Variants in CFTR observed in about 807,000 individuals in gnomAD.
CFTR encodes the protein cystic fibrosis transmembrane conductance regulator.
In CFTR, 181 loss-of-function variants were observed where a neutral mutation model predicts 171.6. That is an observed-to-expected ratio of 1.05 (90% CI 0.93 to 1.19). The LOEUF is 1.19. Ranked by LOEUF, CFTR falls within the 50% of genes most tolerant of loss-of-function variation. CFTR has a pLI of 0.00. For missense variants in CFTR, 1,968 were observed against 1,734.7 expected (o/e 1.13, Z -2.39); for synonymous variants, 583 against 608.0 (o/e 0.96, Z 0.60).
At chr7:117,553,583 T>A (rs1799305917) in intron 10 of CFTR, among the ~76,000 whole-genome samples, 2 of 152,186 alleles carry the variant, frequency 1.3e-5, no homozygotes, top group Admixed American at 6.5e-5. Context: ...TTATCTAATT[T>A]AAAAAGTTTC....
chr7:117,522,921 T>C (rs548884630), intron 3 of CFTR, among the ~76,000 whole-genome samples: 2 of 152,268 alleles, frequency 1.3e-5, no homozygotes, highest in East Asian at 3.9e-4. Context: ...GGGAAAACTA[T>C]AGAAGGGGTG....
intron 21 of CFTR, among the ~76,000 whole-genome samples, chr7:117,618,212 A>G (rs13221882): frequency 0.031 from 4,699 of 152,116 alleles, 95 homozygotes; most frequent in Non-Finnish European, 0.049. Flanking sequence ...TATTTTCTAA[A>G]CCCATGTTTC....
chr7:117,620,519 A>G (rs1792558005), intron 21 of CFTR, among the ~76,000 whole-genome samples: 1 of 152,164 alleles, frequency 6.6e-6, no homozygotes, highest in Non-Finnish European at 1.5e-5. Context: ...CACTGCTGCA[A>G]TTGTCAGAGC....
chr7:117,535,753 C>G (rs188498499), intron 6 of CFTR, among the ~76,000 whole-genome samples: 1 of 152,090 alleles, frequency 6.6e-6, no homozygotes, highest in Non-Finnish European at 1.5e-5. Flanking sequence ...AGGCTGGTCT[C>G]GAATGCCTGA....
chr7:117,627,892 A>G (rs1035929096), intron 22 of CFTR, 122 bp downstream of exon 22: 3 of 1,028,420 alleles, frequency 2.9e-6, no homozygotes, highest in Non-Finnish European at 4.5e-6. Context: ...AATCAATATT[A>G]AACACACATG....
At chr7:117,486,408 C>T (rs1217739245) in intron 1 of CFTR, among the ~76,000 whole-genome samples, 1 of 152,118 alleles carries the variant, frequency 6.6e-6, no homozygotes, top group Non-Finnish European at 1.5e-5. Flanking sequence ...TGAAACCCAG[C>T]TTTCTCGAGG....
intron 22 of CFTR, among the ~76,000 whole-genome samples, chr7:117,628,199 TTTTG>T (rs1792686383): frequency 1.3e-5 from 2 of 152,176 alleles, no homozygotes; most frequent in Admixed American, 6.5e-5. Context: ...AGTTTGTTTG[TTTTG>T]TTTTTCTTTG....
intron 20 of CFTR, 123 bp from the exon 21 acceptor site, chr7:117,614,490 A>G (rs1438401683): frequency 1.4e-6 from 1 of 730,566 alleles, no homozygotes; most frequent in Non-Finnish European, 2.5e-6. Flanking sequence ...AAAATTGTTA[A>G]AATTAGCATA....
At chr7:117,534,529 A>G (rs915344708) in intron 5 of CFTR, among the ~76,000 whole-genome samples, 164 bp downstream of exon 5, 1 of 152,206 alleles carries the variant, frequency 6.6e-6, no homozygotes, top group Non-Finnish European at 1.5e-5. Context: ...ATAGCAGAGC[A>G]CCATTCTGGG....
At chr7:117,575,264 C>T (rs1313998427) in intron 11 of CFTR, among the ~76,000 whole-genome samples, 1 of 152,074 alleles carries the variant, frequency 6.6e-6, no homozygotes, top group Non-Finnish European at 1.5e-5. Context: ...TTATTATAAA[C>T]AGACATATTA....
At chr7:117,605,791 G>A (rs959301992) in intron 17 of CFTR, among the ~76,000 whole-genome samples, 13 of 152,138 alleles carry the variant, frequency 8.5e-5, no homozygotes, top group African/African-American at 3.1e-4. Flanking sequence ...TTTGAGCAGA[G>A]GAAGCTTGTA....
At position 117,562,773 on chromosome 7, in the gene CFTR, T is replaced by G. The variant is rs1791536210; in HGVS notation, c.1584+3118T>G. ...GCACTACAGAAGCCTAGCTGATGGC[T>G]TTTAGCCTGGCTAGACAGTTCAGGA... On this transcript the variant is annotated intron_variant, in intron 11 of 26. Coordinates refer to ENST00000003084, the MANE Select transcript of CFTR (RefSeq NM_000492.4). Among the ~76,000 whole-genome samples the G allele has an allele frequency of 2.0e-5, 3 of 152,296 alleles. No individual in the cohort carries two copies. The South Asian group carries it at 6.2e-4, about 32-fold the overall frequency.
At chr7:117,643,949 A>G (rs1440421767) in intron 23 of CFTR, among the ~76,000 whole-genome samples, 1 of 152,248 alleles carries the variant, frequency 6.6e-6, no homozygotes. Context: ...GTTTTATTGC[A>G]TGTTTGACGT....
At chr7:117,581,622 TA>T (rs1157000935) in intron 11 of CFTR, among the ~76,000 whole-genome samples, 1 of 152,210 alleles carries the variant, frequency 6.6e-6, no homozygotes, top group African/African-American at 2.4e-5. Flanking sequence ...ATGGACAAGT[TA>T]GGGCCAGAAA....
chr7:117,587,480 G>C (rs1031037937), intron 11 of CFTR, among the ~76,000 whole-genome samples: 3 of 151,808 alleles, frequency 2.0e-5, no homozygotes, highest in Non-Finnish European at 2.9e-5. Context: ...TTTAATTTTT[G>C]GTATTTTATA....
At chr7:117,658,713 G>T (rs1004723141) in intron 24 of CFTR, among the ~76,000 whole-genome samples, 1 of 152,008 alleles carries the variant, frequency 6.6e-6, no homozygotes, top group Non-Finnish European at 1.5e-5. Flanking sequence ...TTCCTCCACG[G>T]GTACCCACAT....
chr7:117,605,911 T>C (rs1792293090), intron 17 of CFTR, among the ~76,000 whole-genome samples: 1 of 152,198 alleles, frequency 6.6e-6, no homozygotes, highest in African/African-American at 2.4e-5. Context: ...TCAATATCAC[T>C]TTATTTGTAC....
At chr7:117,526,220 G>A (rs1459198692) in intron 3 of CFTR, among the ~76,000 whole-genome samples, 5 of 150,952 alleles carry the variant, frequency 3.3e-5, no homozygotes, top group Non-Finnish European at 5.9e-5. Flanking sequence ...ACTCAAAGCC[G>A]CTCAACTACA....
chr7:117,580,753 G>A (rs1791837275), intron 11 of CFTR, among the ~76,000 whole-genome samples: 1 of 152,110 alleles, frequency 6.6e-6, no homozygotes, highest in Non-Finnish European at 1.5e-5. Context: ...GTGCTTGAAG[G>A]CAGGTTTCAT....
Sources: allele counts gnomAD v4.1 joint callset (sites outside exome capture counted in the v4.1 genomes callset), GRCh38; gene constraint gnomAD v4.1.1; transcripts MANE v1.5; gene names NCBI Gene and HGNC (gene_info 2026-07-23, HGNC 2026-07-21).